Variants in SLC4A4 observed in about 807,000 individuals in gnomAD.
SLC4A4 encodes the protein electrogenic sodium bicarbonate cotransporter 1.
In SLC4A4, 27 loss-of-function variants were observed where a neutral mutation model predicts 111.5. The observed-to-expected ratio is 0.24, with a 90% CI of 0.18 to 0.33. The LOEUF is 0.33. SLC4A4 is among the 10% of genes least tolerant of loss of function. The pLI is 1.00. For missense variants in SLC4A4, 909 were observed against 1,315.5 expected, an observed-to-expected ratio of 0.69 and a Z score of 4.78; for synonymous variants, 443 against 463.4, an observed-to-expected ratio of 0.96 and a Z score of 0.57.
At chr4:71,440,127 CCTGT>C (rs901076805) in intron 7 of SLC4A4, among the ~76,000 whole-genome samples, 10 of 152,090 alleles carry the variant, frequency 6.6e-5, no homozygotes, top group South Asian at 4.2e-4. Context: ...CCCCTATCAC[CCTGT>C]CTAAGATAGT....
chr4:71,120,856 G>T (rs999444045), intron 2 of SLC4A4, among the ~76,000 whole-genome samples: 3 of 152,234 alleles, frequency 2.0e-5, no homozygotes, highest in Non-Finnish European at 4.4e-5. Context: ...GCCCACCACT[G>T]CACTGTGGGA....
chr4:71,196,362 C>T (rs759085672), intron 1 of SLC4A4, among the ~76,000 whole-genome samples: 4 of 152,020 alleles, frequency 2.6e-5, no homozygotes, highest in Admixed American at 1.3e-4. Flanking sequence ...AGGGAGAAGG[C>T]GGATAGGAAA....
At position 71,344,252 on chromosome 4, in the gene SLC4A4, G is replaced by A. The variant is rs568037413; in HGVS notation, c.389+4747G>A. ...TCAATGAATAGAGAAATAGAACCTT[G>A]ATTCTTGGTTTGCTGCTCCACCTAC... On this transcript the variant is annotated intron_variant, in intron 4 of 25. Coordinates refer to ENST00000264485, the MANE Select transcript of SLC4A4 (RefSeq NM_001098484.3). 1.9e-4 allele frequency among the ~76,000 whole-genome samples: 29 copies of A among 152,242 alleles called. No individual in the cohort carries two copies. In the South Asian group the frequency reaches 5.8e-3, roughly 30 times the overall value.
chr4:71,065,795 T>C (rs756483384), intron 1 of SLC4A4, among the ~76,000 whole-genome samples: 1 of 152,172 alleles, frequency 6.6e-6, no homozygotes, highest in Non-Finnish European at 1.5e-5. Flanking sequence ...TAAGTCTGGA[T>C]GAAGTGTCTC....
intron 6 of SLC4A4, among the ~76,000 whole-genome samples, chr4:71,358,548 A>T (rs968930038): frequency 2.6e-5 from 4 of 152,190 alleles, no homozygotes; most frequent in African/African-American, 7.2e-5. Context: ...TTTAGGCAAA[A>T]CTGGTTATGT....
rs1726654031 is a variant in SLC4A4 at position 71,316,081 on chromosome 4, A to AT, written c.254-23286dup. Among the ~76,000 whole-genome samples the AT allele has an allele frequency of 5.3e-5, 8 of 152,310 alleles. No individual in the cohort carries two copies. The South Asian group carries it at 1.7e-3, about 32-fold the overall frequency. On this transcript the variant is annotated intron_variant, in intron 3 of 25. Transcript: ENST00000264485. ...AGCATACTGCTGGCAATTCCAAACC[A>AT]TTTAAAAAACAAAAGTTATGGTTAT...
intron 24 of SLC4A4, 90 bp downstream of exon 24, chr4:71,563,979 C>A (rs1737230471): frequency 4.7e-6 from 4 of 858,510 alleles, no homozygotes; most frequent in Admixed American, 1.8e-5. Flanking sequence ...CATTAACTTT[C>A]CCTCAATTTT....
At chr4:71,096,862 C>A (rs72858459) in intron 2 of SLC4A4, among the ~76,000 whole-genome samples, 4,259 of 152,188 alleles carry the variant, frequency 0.028, 222 homozygotes, top group African/African-American at 0.099. Flanking sequence ...TAATAAATTG[C>A]AATGGAAATC....
intron 14 of SLC4A4, among the ~76,000 whole-genome samples, chr4:71,484,824 G>A (rs774565933): frequency 1.3e-5 from 2 of 151,570 alleles, no homozygotes; most frequent in African/African-American, 2.4e-5. Context: ...TGTCATTTCT[G>A]TTTTCTTTAG....
At chr4:71,373,292 C>G (rs1340728301) in intron 6 of SLC4A4, among the ~76,000 whole-genome samples, 1 of 152,154 alleles carries the variant, frequency 6.6e-6, no homozygotes, top group East Asian at 1.9e-4. Flanking sequence ...ACTGGTTTGT[C>G]TACAGTGTGT....
At chr4:71,343,823 G>T (rs1729088119) in intron 4 of SLC4A4, among the ~76,000 whole-genome samples, 1 of 151,894 alleles carries the variant, frequency 6.6e-6, no homozygotes, top group Admixed American at 6.6e-5. Flanking sequence ...CATTTCCTCT[G>T]CTTCACTCTG....
At chr4:71,272,068 A>G (rs1053028748) in intron 3 of SLC4A4, among the ~76,000 whole-genome samples, 11 of 152,250 alleles carry the variant, frequency 7.2e-5, no homozygotes, top group Non-Finnish European at 1.6e-4. Context: ...CATGCTGCCT[A>G]TAATGTGTTA....
chr4:71,389,853 T>C (rs1719099686), intron 6 of SLC4A4, among the ~76,000 whole-genome samples: 1 of 152,302 alleles, frequency 6.6e-6, no homozygotes, highest in Admixed American at 6.5e-5. Context: ...CTCTAGGCTC[T>C]TGGAGTTTAC....
At chr4:71,465,985 A>C (rs1727274358) in intron 12 of SLC4A4, among the ~76,000 whole-genome samples, 1 of 152,074 alleles carries the variant, frequency 6.6e-6, no homozygotes, top group African/African-American at 2.4e-5. Context: ...TCTAGGAAAA[A>C]AATAGCTTTT....
intron 1 of SLC4A4, among the ~76,000 whole-genome samples, chr4:71,078,833 T>C (rs1010882718): frequency 6.6e-6 from 1 of 152,068 alleles, no homozygotes; most frequent in Non-Finnish European, 1.5e-5. Flanking sequence ...TTTGTTTTTT[T>C]TTTGAGACAG....
intron 6 of SLC4A4, among the ~76,000 whole-genome samples, chr4:71,380,601 C>A (rs1718040538): frequency 6.6e-6 from 1 of 152,162 alleles, no homozygotes; most frequent in Non-Finnish European, 1.5e-5. Context: ...CAGAACCAAC[C>A]CCCAGCCAAT....
chr4:71,175,475 C>T (rs924801047), intron 2 of SLC4A4, among the ~76,000 whole-genome samples: 1 of 152,238 alleles, frequency 6.6e-6, no homozygotes, highest in African/African-American at 2.4e-5. Context: ...GGGTGACTCC[C>T]ACCCTAATAC....
chr4:71,212,824 G>A (rs1227077002), intron 1 of SLC4A4, among the ~76,000 whole-genome samples: 1 of 152,194 alleles, frequency 6.6e-6, no homozygotes, highest in Non-Finnish European at 1.5e-5. Flanking sequence ...GTTGCTGGGG[G>A]AAAGTGTCCA....
At chr4:71,320,733 G>T (rs1553889630) in intron 3 of SLC4A4, among the ~76,000 whole-genome samples, 5 of 151,960 alleles carry the variant, frequency 3.3e-5, no homozygotes, top group Non-Finnish European at 7.4e-5. Context: ...TAAACAAGGG[G>T]TTGTCTGAGA....
Sources: allele counts gnomAD v4.1 joint callset (sites outside exome capture counted in the v4.1 genomes callset), GRCh38; gene constraint gnomAD v4.1.1; transcripts MANE v1.5; gene names NCBI Gene and HGNC (gene_info 2026-07-23, HGNC 2026-07-21).